Variants in TRMT13 observed in about 807,000 individuals in gnomAD.
The protein encoded by TRMT13 is tRNA:m(4)X modification enzyme TRM13 homolog.
A neutral mutation model predicts 55.9 loss-of-function variants in TRMT13; 45 were observed. That is an observed-to-expected ratio of 0.80 (90% CI 0.63 to 1.03). TRMT13 has a LOEUF of 1.03. TRMT13 is among the 50% of genes least tolerant of loss of function. The pLI, the probability that TRMT13 is intolerant of heterozygous loss-of-function variation, is 0.00. For missense variants in TRMT13, 513 were observed against 563.9 expected (o/e 0.91, Z 0.91); for synonymous variants, 183 against 196.3 (o/e 0.93, Z 0.57).
chr1:100,145,407 C>G (rs1657123359), intron 9 of TRMT13, among the ~76,000 whole-genome samples: 1 of 152,148 alleles, frequency 6.6e-6, no homozygotes, highest in Non-Finnish European at 1.5e-5. Flanking sequence ...TCTCATGTTC[C>G]ACATAATTTT....
chr1:100,140,774 A>G, intron 6 of TRMT13, 78 bp from the exon 7 acceptor site: 1 of 1,370,792 alleles, frequency 7.3e-7, no homozygotes, highest in Non-Finnish European at 1.0e-6. Context: ...TGCCTTATGC[A>G]GAAATTACCT....
chr1:100,144,079 T>C lies in TRMT13; in HGVS notation c.753T>C (p.Pro251=), dbSNP rs757607489. 1.2e-6 allele frequency: 2 copies of C among 1,612,796 alleles called. No homozygotes were observed. Among genetic ancestry groups the C allele is most frequent in the African/African-American group, 2.7e-5 (2 of 74,888 alleles). Residue 251 remains proline (P), a synonymous_variant, in exon 9 of 11, where the codon CCT becomes CCC. Transcript: ENST00000370141. Reference sequence around the variant, plus strand: ...TCATTTCCATTTCAGACAAGATTCCTGTGCTAAGAGAAGAAAAACTACCTG... The same window carrying C: ...TCATTTCCATTTCAGACAAGATTCCCGTGCTAAGAGAAGAAAAACTACCTG... ...DIQHLCLNKI[P]VLREEKLPVV...
intron 7 of TRMT13, among the ~76,000 whole-genome samples, chr1:100,141,534 G>A (rs2101731499): frequency 6.6e-6 from 1 of 152,190 alleles, no homozygotes; most frequent in Middle Eastern, 3.4e-3. Flanking sequence ...GTCTCACTTT[G>A]TCGCCCAGGC....
At chr1:100,137,170 A>G in intron 3 of TRMT13, 85 bp downstream of exon 3, 2 of 1,158,720 alleles carry the variant, frequency 1.7e-6, no homozygotes, top group South Asian at 1.4e-5. Flanking sequence ...TACTTGTTTC[A>G]TAGCTGAGGA....
chr1:100,147,493 CCCTT>C (rs887409567), intron 9 of TRMT13, among the ~76,000 whole-genome samples: 1 of 152,180 alleles, frequency 6.6e-6, no homozygotes, highest in African/African-American at 2.4e-5. Flanking sequence ...CTTCCTCCCT[CCCTT>C]CCTTCCTTCC....
Position 100,143,192 on chromosome 1 carries a change from T to C in TRMT13, c.725T>C (p.Ile242Thr), listed in dbSNP as rs1656831453. The change falls in exon 8 of 11, where the codon ATT becomes ACT. Residue 242 changes from isoleucine to threonine, a missense_variant. This residue lies in a region of TRMT13 where 298 missense variants were observed against 290.3 expected (regional missense o/e 1.03). Coordinates refer to ENST00000370141, the MANE Select transcript of TRMT13 (RefSeq NM_019083.3). ...NSVFERLQID[I>T]QHLCLNKIPV... is the part of the protein sequence containing the mutation. ...GTGTTTGAAAGACTTCAAATTGATA[T>C]TCAACACTTGTGTTTGAGTAAGTTG... 2 of 1,607,730 alleles carry C rather than the reference T, an allele frequency of 1.2e-6. No individual in the cohort carries two copies. The highest frequency in any genetic ancestry group is 1.7e-6 in the Non-Finnish European group (2 of 1,175,748).
Position 100,133,212 on chromosome 1 carries a change from C to T in TRMT13, c.44C>T (p.Ala15Val), listed in dbSNP as rs1210652667. Residue 15 changes from alanine (A) to valine (V), a missense_variant, in exon 1 of 11, where the codon GCT becomes GTT. Ala to Val is a moderately conservative substitution (Grantham distance 64). This residue lies in a region of TRMT13 where 298 missense variants were observed against 290.3 expected (regional missense o/e 1.03). Transcript: ENST00000370141. ...TCGCCGCACGCGCCTGGTTTTCCAG[C>T]TGAGGGTAGATGCGGTTACTATGTG... is the stretch of plus-strand genomic sequence containing the variant. ...ATSPHAPGFP[A>V]EGRCGYYVEK... The T allele has an allele frequency of 3.1e-6, 5 of 1,614,168 alleles. No individual in the cohort carries two copies. Among genetic ancestry groups the T allele is most frequent in the Non-Finnish European group, 3.4e-6 (4 of 1,180,030 alleles).
At chr1:100,137,200 A>G (rs1655992504) in intron 3 of TRMT13, 115 bp downstream of exon 3, 1 of 917,918 alleles carries the variant, frequency 1.1e-6, no homozygotes, top group Non-Finnish European at 1.6e-6. Context: ...CAGGAAATAT[A>G]ATTTTTTTTT....
chr1:100,135,891 A>G (rs761558596), intron 1 of TRMT13, among the ~76,000 whole-genome samples: 27 of 152,274 alleles, frequency 1.8e-4, no homozygotes, highest in Middle Eastern at 6.8e-3. Flanking sequence ...ATAATACTGT[A>G]TTTTTACTGT....
intron 2 of TRMT13, 39 bp from the exon 3 acceptor site, chr1:100,136,980 C>A: frequency 6.2e-7 from 1 of 1,601,304 alleles, no homozygotes; most frequent in Non-Finnish European, 8.5e-7. Context: ...CAGTAATTGG[C>A]ACAAGTCTCA....
chr1:100,139,323 A>G (rs977355976), intron 3 of TRMT13, among the ~76,000 whole-genome samples: 1 of 152,374 alleles, frequency 6.6e-6, no homozygotes, highest in Non-Finnish European at 1.5e-5. Flanking sequence ...TGCTGTCAAC[A>G]GTCTAGGCTG....
At chr1:100,142,380 A>G (rs1323484331) in intron 7 of TRMT13, among the ~76,000 whole-genome samples, 2 of 152,216 alleles carry the variant, frequency 1.3e-5, no homozygotes, top group Non-Finnish European at 2.9e-5. Flanking sequence ...TTTGTCCAAC[A>G]ATCCAAGTAA....
At chr1:100,133,418 C>T (rs770310032) in intron 1 of TRMT13, 103 bp downstream of exon 1, 55 of 1,340,330 alleles carry the variant, frequency 4.1e-5, no homozygotes, top group Non-Finnish European at 5.4e-5. Flanking sequence ...CTGCTTGTGT[C>T]CCCTGGATTC....
At chr1:100,134,309 T>G (rs1381842975) in intron 1 of TRMT13, among the ~76,000 whole-genome samples, 1 of 152,162 alleles carries the variant, frequency 6.6e-6, no homozygotes, top group Non-Finnish European at 1.5e-5. Flanking sequence ...AGCAAAATGC[T>G]CATAGGAAGA....
At position 100,150,007 on chromosome 1, in the gene TRMT13, C is replaced by T. The variant is rs1388671083; in HGVS notation, c.*1187C>T. The T allele has an allele frequency of 2.0e-5, 3 of 152,270 alleles. No homozygotes were observed. The highest frequency in any genetic ancestry group is 6.6e-5 in the Admixed American group (1 of 15,262). 9.4% of individuals were successfully genotyped at this position (152,270 alleles called of 1,614,324 possible). A position where few individuals can be genotyped will look rare whatever the true frequency, so the allele number is the denominator to read the frequency against. ...TTGTCAGACTGTCTCGGTTCAAATT[C>T]CAAACCTACCATCTTCAGTTGTGCG... On this transcript the variant is annotated 3_prime_UTR_variant, in exon 11 of 11. Coordinates refer to ENST00000370141, the MANE Select transcript of TRMT13 (RefSeq NM_019083.3).
chr1:100,143,229 A>G lies in TRMT13; in HGVS notation c.742+20A>G, dbSNP rs1656833947. On this transcript the variant is annotated intron_variant, in intron 8 of 10. Transcript: ENST00000370141. ...GTTTGAGTAAGTTGTGTAACTTTCC[A>G]TTGGTCTACAAATAAATCATAACTG... 4 of 1,508,804 alleles carry G rather than the reference A, an allele frequency of 2.7e-6. No individual in the cohort carries two copies. The highest frequency in any genetic ancestry group is 3.7e-6 in the Non-Finnish European group (4 of 1,088,796). 93.5% of individuals were successfully genotyped at this position (1,508,804 alleles called of 1,614,324 possible).
chr1:100,135,483 T>C (rs909537471), intron 1 of TRMT13, among the ~76,000 whole-genome samples: 7 of 152,206 alleles, frequency 4.6e-5, no homozygotes, highest in African/African-American at 9.6e-5. Context: ...TTTAAAAGAA[T>C]AATAATAGCA....
intron 7 of TRMT13, 139 bp downstream of exon 7, chr1:100,141,158 T>C: frequency 1.4e-6 from 1 of 740,444 alleles, no homozygotes; most frequent in Non-Finnish European, 2.1e-6. Flanking sequence ...TTATTAGTTC[T>C]AATTGTATTG....
intron 3 of TRMT13, among the ~76,000 whole-genome samples, chr1:100,138,245 T>A (rs1656135817): frequency 6.6e-6 from 1 of 152,224 alleles, no homozygotes; most frequent in Non-Finnish European, 1.5e-5. Flanking sequence ...GTGAACAATT[T>A]TTTTAAATTT....
Sources: allele counts gnomAD v4.1 joint callset (sites outside exome capture counted in the v4.1 genomes callset), GRCh38; gene constraint gnomAD v4.1.1; regional missense constraint gnomAD v4.1.1; transcripts MANE v1.5; gene names NCBI Gene and HGNC (gene_info 2026-07-23, HGNC 2026-07-21).